The following PPP2R2A variants were observed in gnomAD, a reference collection of about 807,000 sequenced individuals.
PPP2R2A encodes protein phosphatase 2 regulatory subunit Balpha.
PPP2R2A carries 9 observed loss-of-function variants against 53.2 expected under a neutral mutation model. The ratio of observed to expected loss-of-function variants is 0.17; its 90% CI spans 0.10 to 0.30. PPP2R2A has a LOEUF of 0.30. Among genes scored for constraint, PPP2R2A ranks in the 10% least tolerant of loss-of-function variants. The probability of loss-of-function intolerance (pLI) is 1.00; values close to 1 mark genes in which losing one functional copy is unlikely to be tolerated. For missense variants in PPP2R2A, 235 were observed against 534.6 expected (o/e 0.44, Z 5.53); for synonymous variants, 169 against 174.2 (o/e 0.97, Z 0.23).
intron 1 of PPP2R2A, chr8:26,292,294 A>T: frequency 1.0e-6 from 1 of 990,712 alleles, no homozygotes; most frequent in South Asian, 4.5e-5. Flanking sequence ...AGAGCGCCTT[A>T]TAAGTTAAAA....
rs1284519270 is a variant in PPP2R2A, at chr8:26,338,786, T to C, written c.83-104T>C. On this transcript the variant is annotated intron_variant, in intron 2 of 9. Coordinates refer to ENST00000380737, the MANE Select transcript of PPP2R2A (RefSeq NM_002717.4). This position sits in a 1 kb window ranked among gnomAD's most constrained non-coding sequence, Gnocchi z 4.5. ...GGGTGGTTGATGTACTTCAAAGATATACTTCATAGACTTGGAATGTTTGGG... is the reference window on the plus strand; with the variant it reads ...GGGTGGTTGATGTACTTCAAAGATACACTTCATAGACTTGGAATGTTTGGG... 1.8e-5 allele frequency: 12 copies of C among 671,942 alleles called. No individual in the cohort carries two copies. Among genetic ancestry groups the C allele is most frequent in the African/African-American group, 9.1e-5 (5 of 55,064 alleles). 41.6% of individuals were successfully genotyped at this position (671,942 alleles called of 1,614,324 possible).
At chr8:26,304,370 C>G (rs1301080483) in intron 2 of PPP2R2A, among the ~76,000 whole-genome samples, 5 of 151,470 alleles carry the variant, frequency 3.3e-5, no homozygotes, top group Non-Finnish European at 7.4e-5. Flanking sequence ...TTATTTTATA[C>G]TTTAATCAGA....
intron 2 of PPP2R2A, among the ~76,000 whole-genome samples, chr8:26,301,594 A>T (rs1311721051): frequency 6.6e-6 from 1 of 152,008 alleles, no homozygotes; most frequent in East Asian, 1.9e-4. Context: ...CTATATATAG[A>T]TGGGTTATAA....
At chr8:26,364,928 A>G (rs1282527811) in intron 8 of PPP2R2A, among the ~76,000 whole-genome samples, 4 of 152,182 alleles carry the variant, frequency 2.6e-5, no homozygotes, top group African/African-American at 7.2e-5. Context: ...AGATTTGGGT[A>G]TACCTGGGGT....
chr8:26,309,639 T>G (rs1294514404), intron 2 of PPP2R2A, among the ~76,000 whole-genome samples: 1 of 152,180 alleles, frequency 6.6e-6, no homozygotes, highest in African/African-American at 2.4e-5. Context: ...GAAAATCTGT[T>G]GTTTAGTGTA....
At chr8:26,299,219 G>GCCA (rs985609510) in intron 2 of PPP2R2A, among the ~76,000 whole-genome samples, 4 of 151,872 alleles carry the variant, frequency 2.6e-5, no homozygotes, top group African/African-American at 9.7e-5. Context: ...CTGTGATTGT[G>GCCA]CCACTGGTCT....
intron 7 of PPP2R2A, chr8:26,363,443 C>T: frequency 3.8e-6 from 1 of 262,926 alleles, no homozygotes; most frequent in Non-Finnish European, 7.2e-6. Context: ...ACCAATAAAC[C>T]TGGTGCACTG....
chr8:26,369,521 G>T (rs747018880), intron 9 of PPP2R2A, among the ~76,000 whole-genome samples: 4 of 152,128 alleles, frequency 2.6e-5, no homozygotes, highest in Admixed American at 6.5e-5. Flanking sequence ...CTCCCGAGTA[G>T]TTGGGACTAC....
intron 2 of PPP2R2A, among the ~76,000 whole-genome samples, chr8:26,331,235 TTTTCCTTTCTAAGAGTATCC>T (rs1803360384): frequency 6.6e-6 from 1 of 152,198 alleles, no homozygotes; most frequent in South Asian, 2.1e-4. Flanking sequence ...AATCACTTTC[TTTTCCTTTCTAAGAGTATCC>T]AACCCACATT....
At chr8:26,363,226 AAAAC>A (rs945622242) in intron 7 of PPP2R2A, 12 of 158,644 alleles carry the variant, frequency 7.6e-5, no homozygotes, top group Non-Finnish European at 1.1e-4. Flanking sequence ...AAAAAAAAAA[AAAAC>A]AACTTTGGTT....
chr8:26,299,839 C>A (rs113341027), intron 2 of PPP2R2A, among the ~76,000 whole-genome samples: 8 of 151,718 alleles, frequency 5.3e-5, no homozygotes, highest in African/African-American at 1.7e-4. Context: ...AAAAGTAGAA[C>A]CCTGTTGTTT....
At chr8:26,369,694 A>G (rs1253986227) in intron 9 of PPP2R2A, among the ~76,000 whole-genome samples, 1 of 152,150 alleles carries the variant, frequency 6.6e-6, no homozygotes, top group Non-Finnish European at 1.5e-5. Flanking sequence ...GCCCGGCCCA[A>G]AAAATGTAAA....
intron 3 of PPP2R2A, among the ~76,000 whole-genome samples, chr8:26,343,489 A>C (rs1804056106): frequency 6.6e-6 from 1 of 151,600 alleles, no homozygotes; most frequent in African/African-American, 2.4e-5. Context: ...CTCCTGCCTC[A>C]GCCTCCTGAG....
chr8:26,354,374 T>C lies in PPP2R2A; in HGVS notation c.181-94T>C, dbSNP rs2117380505. On this transcript the variant is annotated intron_variant, in intron 3 of 9. Coordinates refer to ENST00000380737, the MANE Select transcript of PPP2R2A (RefSeq NM_002717.4). This position sits in a 1 kb window ranked among gnomAD's most constrained non-coding sequence, Gnocchi z 4.6. ...TATAAAGACACAACTAATGGGGTAT[T>C]GAGAATGTGCAGGGTCCTTTGGAAT... 1 of 1,008,158 alleles carries C rather than the reference T, an allele frequency of 9.9e-7. No individual in the cohort carries two copies. Among genetic ancestry groups the C allele is most frequent in the Non-Finnish European group, 1.4e-6 (1 of 728,168 alleles). 62.5% of individuals were successfully genotyped at this position (1,008,158 alleles called of 1,614,324 possible).
Position 26,363,708 on chromosome 8 carries a change from G to T in PPP2R2A, c.803-13G>T. The stretch of plus-strand genomic sequence containing the variant: ...CACCTTGCCCTTTTTGTGTTGTTTT[G>T]TTTTGTTTTTAGTGTTTGAAGAACC... On this transcript the variant is annotated splice_polypyrimidine_tract_variant and intron_variant, in intron 7 of 9. Coordinates refer to ENST00000380737, the MANE Select transcript of PPP2R2A (RefSeq NM_002717.4). The T allele has an allele frequency of 6.4e-7, 1 of 1,557,976 alleles. No homozygotes were observed. Among genetic ancestry groups the T allele is most frequent in the Admixed American group, 1.8e-5 (1 of 55,680 alleles).
intron 2 of PPP2R2A, among the ~76,000 whole-genome samples, chr8:26,299,793 G>A (rs1477274158): frequency 6.6e-6 from 1 of 151,140 alleles, no homozygotes; most frequent in African/African-American, 2.4e-5. Flanking sequence ...AGAGTAGTAT[G>A]CATGTTAGAT....
chr8:26,337,437 C>T (rs1167679995), intron 2 of PPP2R2A, among the ~76,000 whole-genome samples: 2 of 152,136 alleles, frequency 1.3e-5, no homozygotes, highest in Admixed American at 1.3e-4. Flanking sequence ...TATTTTTTGT[C>T]TGCTACTCTT....
chr8:26,345,634 T>A (rs1804173207), intron 3 of PPP2R2A, among the ~76,000 whole-genome samples: 2 of 152,222 alleles, frequency 1.3e-5, no homozygotes, highest in Non-Finnish European at 2.9e-5. Flanking sequence ...TAGTCTCTAT[T>A]GTTAGATTCC....
At position 26,371,528 on chromosome 8, in the gene PPP2R2A, AAACATTT is replaced by A. The variant is rs1405328895; in HGVS notation, c.*1116_*1122del. The A allele has an allele frequency of 6.6e-6, 1 of 152,204 alleles. No homozygotes were observed. The highest frequency in any genetic ancestry group is 1.5e-5 in the Non-Finnish European group (1 of 68,026). The allele number at this position is 152,204 out of a possible 1,614,324, so 9.4% of individuals were successfully genotyped here. ...CTTACTAAATAGTCAAAGACTTATA[AAACATTT>A]TTAACAAGTTAGAACTTTTTTGTTA... is the stretch of plus-strand genomic sequence containing the variant. On this transcript the variant is annotated 3_prime_UTR_variant, in exon 10 of 10. Coordinates refer to ENST00000380737, the MANE Select transcript of PPP2R2A (RefSeq NM_002717.4).
Sources: gnomAD v4.1 joint callset for allele counts (sites outside exome capture counted in the v4.1 genomes callset) on GRCh38, gnomAD v4.1.1 for gene constraint, Gnocchi (gnomAD v3.1) non-coding constraint, MANE v1.5 for transcripts, NCBI Gene and HGNC (gene_info 2026-07-23, HGNC 2026-07-21) for gene names.